ABLIM1: variants seen among roughly 807,000 people sequenced by gnomAD.
ABLIM1 encodes actin-binding LIM protein 1.
ABLIM1 carries 40 observed loss-of-function variants against 107.0 expected under a neutral mutation model. The ratio of observed to expected loss-of-function variants is 0.37; its 90% CI spans 0.29 to 0.49. The LOEUF is 0.49. ABLIM1 is among the 20% of genes least tolerant of loss of function. ABLIM1 has a pLI of 0.97. For missense variants in ABLIM1, 857 were observed against 1,008.5 expected, an observed-to-expected ratio of 0.85 and a Z score of 2.04; for synonymous variants, 357 against 357.3, an observed-to-expected ratio of 1.00 and a Z score of 0.01.
At chr10:114,711,285 A>G (rs751341115) in intron 1 of ABLIM1, among the ~76,000 whole-genome samples, 4 of 152,162 alleles carry the variant, frequency 2.6e-5, no homozygotes, top group Non-Finnish European at 5.9e-5. Context: ...ATCCCACTTC[A>G]ACTTACCAAG....
At chr10:114,549,039 G>T (rs368949144) in intron 4 of ABLIM1, among the ~76,000 whole-genome samples, 22 of 152,310 alleles carry the variant, frequency 1.4e-4, no homozygotes, top group African/African-American at 4.8e-4. Context: ...CCTGCTTCTT[G>T]ACAACACTTA....
intron 1 of ABLIM1, among the ~76,000 whole-genome samples, chr10:114,720,709 A>T (rs1043701356): frequency 1.3e-5 from 2 of 152,088 alleles, no homozygotes; most frequent in Non-Finnish European, 2.9e-5. Context: ...GAGTAACAAG[A>T]CAGGGAAAAA....
At position 114,619,620 on chromosome 10, in the gene ABLIM1, G is replaced by A. The variant is rs1211434663; in HGVS notation, c.245-17659C>T. On this transcript the variant is annotated intron_variant, in intron 1 of 22. Coordinates refer to ENST00000533213, the MANE Select transcript of ABLIM1 (RefSeq NM_002313.7). The surrounding 1 kb of genome is among the most constrained non-coding windows in gnomAD (Gnocchi z 4.1). ...GGGATGGGACGATGCATGGCAGATA[G>A]TCCTGGTCCTGATCTTGCTCCTCCC... Among the ~76,000 whole-genome samples the A allele has an allele frequency of 1.3e-5, 2 of 152,176 alleles. No individual in the cohort carries two copies. The highest frequency in any genetic ancestry group is 2.9e-5 in the Non-Finnish European group (2 of 68,036).
intron 1 of ABLIM1, among the ~76,000 whole-genome samples, chr10:114,604,245 G>A (rs989323152): frequency 3.3e-5 from 5 of 152,168 alleles, no homozygotes; most frequent in African/African-American, 7.2e-5. Context: ...AAAGATCCAC[G>A]CCCAGGCCTT....
At chr10:114,637,704 C>CA (rs1231600128) in intron 1 of ABLIM1, among the ~76,000 whole-genome samples, 1 of 151,988 alleles carries the variant, frequency 6.6e-6, no homozygotes, top group Non-Finnish European at 1.5e-5. Context: ...ACAGAGTGAA[C>CA]AAAAAATAAA....
At chr10:114,787,536 G>A in the ABLIM1 span, among the ~76,000 whole-genome samples, 2 of 148,104 alleles carry the variant, frequency 1.4e-5, no homozygotes, top group African/African-American at 5.0e-5. Context: ...GAGGTGTGGG[G>A]GTCAGCCCCC....
At chr10:114,557,683 T>TTG (rs1565926938) in intron 4 of ABLIM1, among the ~76,000 whole-genome samples, 8 of 149,988 alleles carry the variant, frequency 5.3e-5, no homozygotes, top group Non-Finnish European at 7.4e-5. Context: ...TTTTTTTTTT[T>TTG]TTTTTTTTTT....
chr10:114,436,881 T>G (rs2059485593), intron 22 of ABLIM1, among the ~76,000 whole-genome samples: 1 of 152,090 alleles, frequency 6.6e-6, no homozygotes, highest in Admixed American at 6.6e-5. Context: ...GCCTTTATTC[T>G]CTGTACCTCT....
rs751373730 is a variant in ABLIM1, at chr10:114,473,960, T to G, written c.1042-4A>C. 2 of 1,612,338 alleles carry G rather than the reference T, an allele frequency of 1.2e-6. No individual in the cohort carries two copies. The highest frequency in any genetic ancestry group is 2.2e-5 in the South Asian group (2 of 91,012). On this transcript the variant is annotated splice_polypyrimidine_tract_variant and splice_region_variant and intron_variant, in intron 8 of 22. Coordinates refer to ENST00000533213, the MANE Select transcript of ABLIM1 (RefSeq NM_002313.7). ...TTTCCGAGGATGTCCTGGTAGGCTGTAAAATAAACAGTGACTTGTAAGACT... is the reference window on the plus strand; with the variant it reads ...TTTCCGAGGATGTCCTGGTAGGCTGGAAAATAAACAGTGACTTGTAAGACT...
intron 4 of ABLIM1, among the ~76,000 whole-genome samples, chr10:114,567,540 C>A (rs762021340): frequency 1.9e-4 from 29 of 152,170 alleles, no homozygotes; most frequent in Non-Finnish European, 2.1e-4. Flanking sequence ...GTGGAGGAAG[C>A]ACTGAACAGA....
At chr10:114,520,043 T>A (rs112831978) in intron 6 of ABLIM1, among the ~76,000 whole-genome samples, 109 of 152,264 alleles carry the variant, frequency 7.2e-4, no homozygotes, top group Middle Eastern at 6.8e-3. Context: ...AGGGACTCCA[T>A]CCCTAGAGGC....
At chr10:114,691,125 A>G (rs908583006) in intron 1 of ABLIM1, among the ~76,000 whole-genome samples, 6 of 152,322 alleles carry the variant, frequency 3.9e-5, no homozygotes, top group Admixed American at 1.3e-4. Flanking sequence ...GCCTAAAGAC[A>G]GTAATTTTTT....
intron 1 of ABLIM1, among the ~76,000 whole-genome samples, chr10:114,632,966 G>A (rs1044515659): frequency 4.6e-5 from 7 of 152,120 alleles, no homozygotes; most frequent in East Asian, 1.9e-4. Context: ...TGTGAGCTGA[G>A]GACTTCTGGT....
chr10:114,597,226 A>G (rs2075503894), intron 2 of ABLIM1, among the ~76,000 whole-genome samples: 1 of 152,206 alleles, frequency 6.6e-6, no homozygotes, highest in Admixed American at 6.5e-5. Context: ...CAGGTAAAAG[A>G]CTGCTATTGC....
intron 1 of ABLIM1, among the ~76,000 whole-genome samples, chr10:114,724,437 G>C (rs189014188): frequency 2.0e-5 from 3 of 151,970 alleles, no homozygotes; most frequent in Admixed American, 6.6e-5. Context: ...AGGTAAACTC[G>C]GCCTCTCCTG....
At chr10:114,641,180 A>G (rs1359306737) in intron 1 of ABLIM1, among the ~76,000 whole-genome samples, 2 of 141,344 alleles carry the variant, frequency 1.4e-5, no homozygotes, top group African/African-American at 5.3e-5. Context: ...AAGAATTTAG[A>G]CCCCCTCCTG....
chr10:114,723,298 G>A (rs1289407818), intron 1 of ABLIM1, among the ~76,000 whole-genome samples: 3 of 152,208 alleles, frequency 2.0e-5, no homozygotes, highest in East Asian at 1.9e-4. Context: ...GGGGCATACC[G>A]TGTTAGAGGG....
chr10:114,549,221 C>T (rs2067737311), intron 4 of ABLIM1, among the ~76,000 whole-genome samples: 1 of 152,046 alleles, frequency 6.6e-6, no homozygotes, highest in African/African-American at 2.4e-5. Context: ...CCTGTCTCTA[C>T]AAAATACAAA....
chr10:114,574,191 G>A (rs2072130010), intron 3 of ABLIM1, among the ~76,000 whole-genome samples: 1 of 152,204 alleles, frequency 6.6e-6, no homozygotes, highest in Admixed American at 6.5e-5. Flanking sequence ...CCTCTGAATT[G>A]GGGTTTTTAG....
Sources: gnomAD v4.1 joint callset for allele counts (sites outside exome capture counted in the v4.1 genomes callset) on GRCh38, gnomAD v4.1.1 for gene constraint, Gnocchi (gnomAD v3.1) non-coding constraint, MANE v1.5 for transcripts, NCBI Gene and HGNC (gene_info 2026-07-23, HGNC 2026-07-21) for gene names.